The following KIAA1217 variants were observed in gnomAD, a reference collection of about 807,000 sequenced individuals.
The protein encoded by KIAA1217 is KIAA1217, also known as sickle tail protein homolog.
KIAA1217 carries 88 observed loss-of-function variants against 163.9 expected under a neutral mutation model. That is an observed-to-expected ratio of 0.54 (90% CI 0.45 to 0.64). The LOEUF (loss-of-function observed/expected upper bound fraction) is 0.64. Among genes scored for constraint, KIAA1217 ranks in the 30% least tolerant of loss-of-function variants. The pLI is 0.00. For missense variants in KIAA1217, 2,372 were observed against 2,475.0 expected, an observed-to-expected ratio of 0.96 and a Z score of 0.88; for synonymous variants, 903 against 923.1, an observed-to-expected ratio of 0.98 and a Z score of 0.39.
At chr10:24,361,764 A>G (rs2050037287) in intron 2 of KIAA1217, among the ~76,000 whole-genome samples, 1 of 152,106 alleles carries the variant, frequency 6.6e-6, no homozygotes, top group South Asian at 2.1e-4. Context: ...TCACGAGGTC[A>G]GGAGATCGAG....
At chr10:24,248,670 CAAAAAAAAAAAAAA>C (rs929995548) in intron 2 of KIAA1217, among the ~76,000 whole-genome samples, 40 of 36,476 alleles carry the variant, frequency 1.1e-3, no homozygotes, top group African/African-American at 3.6e-3. Flanking sequence ...GACTCCATCT[CAAAAAAAAAAAAAA>C]AAAAAAAAAA....
At chr10:23,925,146 G>A (rs1842974108) in intron 1 of KIAA1217, among the ~76,000 whole-genome samples, 1 of 152,104 alleles carries the variant, frequency 6.6e-6, no homozygotes, top group South Asian at 2.1e-4. Flanking sequence ...AAGACAGAAG[G>A]AAGATAGATA....
At chr10:23,983,279 A>G (rs971555937) in intron 1 of KIAA1217, among the ~76,000 whole-genome samples, 27 of 152,328 alleles carry the variant, frequency 1.8e-4, no homozygotes, top group African/African-American at 5.5e-4. Flanking sequence ...AAGTAATCCA[A>G]TTGTATTAGT....
chr10:24,167,146 A>T (rs2065388674), intron 2 of KIAA1217, among the ~76,000 whole-genome samples: 1 of 151,778 alleles, frequency 6.6e-6, no homozygotes, highest in Non-Finnish European at 1.5e-5. Flanking sequence ...AACTGGTAAG[A>T]TTCCTTTCTG....
At chr10:23,958,567 A>G (rs1361734488) in intron 1 of KIAA1217, among the ~76,000 whole-genome samples, 3 of 152,226 alleles carry the variant, frequency 2.0e-5, no homozygotes, top group Non-Finnish European at 4.4e-5. Context: ...TGCACATTTA[A>G]TATCAATTTG....
chr10:24,296,050 A>G (rs1011341573), intron 2 of KIAA1217, among the ~76,000 whole-genome samples: 1 of 152,168 alleles, frequency 6.6e-6, no homozygotes, highest in Non-Finnish European at 1.5e-5. Context: ...AGCTTGCTCA[A>G]AAAGCAGACT....
At chr10:24,426,750 C>T (rs76156196) in intron 3 of KIAA1217, among the ~76,000 whole-genome samples, 2,864 of 152,196 alleles carry the variant, frequency 0.019, 92 homozygotes, top group African/African-American at 0.065. Flanking sequence ...GTTCAGAGGA[C>T]TTGATGTATA....
chr10:23,874,353 G>T (rs1840589874), intron 1 of KIAA1217, among the ~76,000 whole-genome samples: 1 of 151,860 alleles, frequency 6.6e-6, no homozygotes, highest in Non-Finnish European at 1.5e-5. Context: ...GATGTCATGG[G>T]ATAACTCTTT....
chr10:24,280,858 G>A (rs1413285126), intron 2 of KIAA1217, among the ~76,000 whole-genome samples: 1 of 149,720 alleles, frequency 6.7e-6, no homozygotes, highest in Admixed American at 6.7e-5. Context: ...TTCAACTTAA[G>A]ATGGACATTT....
intron 2 of KIAA1217, among the ~76,000 whole-genome samples, chr10:24,015,522 A>G (rs1405100479): frequency 6.6e-6 from 1 of 151,996 alleles, no homozygotes; most frequent in Non-Finnish European, 1.5e-5. Flanking sequence ...TTGGGAGGCC[A>G]AGGCAGGTGG....
chr10:24,532,725 T>TG (rs1246427695), intron 15 of KIAA1217, among the ~76,000 whole-genome samples: 13 of 152,058 alleles, frequency 8.5e-5, no homozygotes, highest in Non-Finnish European at 1.8e-4. Flanking sequence ...CCTGCCCCCA[T>TG]GAGTCAATTA....
rs74124883 is a variant in KIAA1217, at chr10:24,013,178, A to G, written c.-171+5804A>G. On this transcript the variant is annotated intron_variant, in intron 2 of 18. Transcript: ENST00000376462. ...TTCACTGTTTAAAAATGGCGCCCCT[A>G]AGCAATGTACTGAAGTACCGTCCAG... Among the ~76,000 whole-genome samples the G allele has an allele frequency of 5.2e-3, 790 of 152,174 alleles. 4 individuals are homozygous for G. The highest frequency in any genetic ancestry group is 0.018 in the African/African-American group (747 of 41,522).
intron 2 of KIAA1217, among the ~76,000 whole-genome samples, chr10:24,034,455 C>T (rs1283850081): frequency 6.6e-6 from 1 of 150,732 alleles, no homozygotes; most frequent in Non-Finnish European, 1.5e-5. Flanking sequence ...CCCAGCTACT[C>T]AAGAAGCTGA....
chr10:24,309,354 A>G (rs12218091), intron 2 of KIAA1217, among the ~76,000 whole-genome samples: 10,124 of 141,682 alleles, frequency 0.071, 593 homozygotes, highest in East Asian at 0.32. Context: ...GCGCGCGCAC[A>G]CACACACACA....
intron 5 of KIAA1217, among the ~76,000 whole-genome samples, chr10:24,455,705 A>C (rs1218159817): frequency 6.6e-6 from 1 of 152,182 alleles, no homozygotes; most frequent in Non-Finnish European, 1.5e-5. Flanking sequence ...GTAAGATGGG[A>C]AGGAAAAGAG....
intron 3 of KIAA1217, among the ~76,000 whole-genome samples, chr10:24,402,528 C>CAAAAAAAAAAAA (rs56323500): frequency 7.8e-5 from 6 of 77,212 alleles, no homozygotes; most frequent in Non-Finnish European, 3.1e-5. Context: ...AAAAACAAAA[C>CAAAAAAAAAAAA]AAAAAAAAAA....
intron 5 of KIAA1217, among the ~76,000 whole-genome samples, chr10:24,444,874 T>C (rs1238672730): frequency 6.6e-6 from 1 of 152,228 alleles, no homozygotes; most frequent in Admixed American, 6.5e-5. Context: ...GTTTTGTGTG[T>C]TGGCTTCATT....
intron 2 of KIAA1217, among the ~76,000 whole-genome samples, chr10:24,294,003 C>T (rs1590688857): frequency 6.6e-6 from 1 of 151,966 alleles, no homozygotes; most frequent in South Asian, 2.1e-4. Flanking sequence ...ACCATCCTGG[C>T]TAAGACGGGG....
chr10:24,355,322 G>A (rs1010873120), intron 2 of KIAA1217, among the ~76,000 whole-genome samples: 1 of 152,198 alleles, frequency 6.6e-6, no homozygotes, highest in African/African-American at 2.4e-5. Flanking sequence ...CAATACCATC[G>A]ACTTGGGGGC....
Sources: allele counts gnomAD v4.1 joint callset (sites outside exome capture counted in the v4.1 genomes callset), GRCh38; gene constraint gnomAD v4.1.1; transcripts MANE v1.5; gene names NCBI Gene and HGNC (gene_info 2026-07-23, HGNC 2026-07-21).